AK8: variants seen among roughly 807,000 people sequenced by gnomAD.
AK8 encodes ATP-AMP transphosphorylase 8.
A neutral mutation model predicts 54.6 loss-of-function variants in AK8; 44 were observed. That is an observed-to-expected ratio of 0.81 (90% CI 0.63 to 1.04). The LOEUF is 1.04. Among genes scored for constraint, AK8 ranks in the 50% least tolerant of loss-of-function variants. The pLI is 0.00. For missense variants in AK8, 555 were observed against 613.6 expected (o/e 0.90, Z 1.01); for synonymous variants, 239 against 245.6 (o/e 0.97, Z 0.25).
At chr9:132,831,643 C>T (rs1488637432) in intron 5 of AK8, among the ~76,000 whole-genome samples, 1 of 152,174 alleles carries the variant, frequency 6.6e-6, no homozygotes. Context: ...CTCAGTTGCT[C>T]TAAGGTCAGA....
Position 132,827,060 on chromosome 9 carries a change from A to C in AK8, c.557-6T>G, listed in dbSNP as rs771563919. On this transcript the variant is annotated splice_polypyrimidine_tract_variant and splice_region_variant and intron_variant, in intron 7 of 12. Transcript: ENST00000298545. ...AAAGGTGGTGTGATAAATCTCTACA[A>C]GGAGAGAGGTGCACAGTTAGAAATG... The C allele has an allele frequency of 3.7e-6, 6 of 1,613,702 alleles. No homozygotes were observed. The South Asian group carries it at 6.6e-5, about 18-fold the overall frequency.
chr9:132,812,531 G>GGGATGACAGGGGTGAGCTACCGTA (rs1564415097), intron 10 of AK8, among the ~76,000 whole-genome samples: 4 of 58,792 alleles, frequency 6.8e-5, no homozygotes, highest in African/African-American at 2.3e-4. Flanking sequence ...GAGCTACCGT[G>GGGATGACAGGGGTGAGCTACCGTA]CCCACTGGGA....
At chr9:132,878,663 A>C, upstream of AK8, 2 of 998,574 alleles carry the variant, frequency 2.0e-6, no homozygotes, top group Non-Finnish European at 2.4e-6. The surrounding 1 kb of genome is among the most constrained non-coding windows in gnomAD (Gnocchi z 4.7). Flanking sequence ...TTTAAAACAG[A>C]CGCGGGAATA....
At chr9:132,774,869 C>T (rs916114427) in intron 11 of AK8, among the ~76,000 whole-genome samples, 10 of 152,212 alleles carry the variant, frequency 6.6e-5, no homozygotes, top group Non-Finnish European at 1.2e-4. Flanking sequence ...TGGCTTAGGC[C>T]GAACTGTTAC....
chr9:132,761,967 T>G (rs1250331950), intron 11 of AK8, among the ~76,000 whole-genome samples: 2 of 152,128 alleles, frequency 1.3e-5, no homozygotes, highest in African/African-American at 2.4e-5. Flanking sequence ...CCTCCCCAGT[T>G]CAAGCAATTC....
intron 2 of AK8, among the ~76,000 whole-genome samples, chr9:132,873,931 G>A (rs1000911005): frequency 6.6e-6 from 1 of 152,184 alleles, no homozygotes; most frequent in Non-Finnish European, 1.5e-5. Flanking sequence ...CCAGAGAAAG[G>A]AGGTCTCTAA....
chr9:132,767,882 C>T (rs1295419760), intron 11 of AK8, among the ~76,000 whole-genome samples: 1 of 152,102 alleles, frequency 6.6e-6, no homozygotes, highest in Admixed American at 6.5e-5. Flanking sequence ...CATGTTCTCA[C>T]TCATATGTGG....
chr9:132,874,979 G>T (rs1304263925), intron 2 of AK8, 136 bp downstream of exon 2: 5 of 1,123,130 alleles, frequency 4.5e-6, no homozygotes, highest in Non-Finnish European at 6.5e-6. Context: ...GGACAGAATG[G>T]TGCTCAGCTA....
Position 132,863,661 on chromosome 9 carries a change from C to T in AK8, c.333+4G>A. ...CCTACCCCTGTCCCCGGGGCCAGTC[C>T]TACCTTCCTTTGCAGATAAAGCCTT... On this transcript the variant is annotated splice_donor_region_variant and intron_variant, in intron 4 of 12. Coordinates refer to ENST00000298545, the MANE Select transcript of AK8 (RefSeq NM_152572.3). 6.2e-7 allele frequency: 1 copy of T among 1,608,828 alleles called. No individual in the cohort carries two copies. The highest frequency in any genetic ancestry group is 8.5e-7 in the Non-Finnish European group (1 of 1,175,916).
intron 11 of AK8, among the ~76,000 whole-genome samples, chr9:132,729,751 C>T (rs1015806744): frequency 6.6e-6 from 1 of 152,060 alleles, no homozygotes. Flanking sequence ...CCACTGGGGC[C>T]AAAGTTGGTG....
At chr9:132,823,688 C>T (rs1003762422) in intron 8 of AK8, among the ~76,000 whole-genome samples, 3 of 152,220 alleles carry the variant, frequency 2.0e-5, no homozygotes, top group Admixed American at 2.0e-4. Flanking sequence ...TGATAGCACT[C>T]TCTATAGGGC....
chr9:132,787,464 C>A (rs191360347), intron 11 of AK8, among the ~76,000 whole-genome samples: 1 of 152,140 alleles, frequency 6.6e-6, no homozygotes, highest in East Asian at 1.9e-4. Context: ...CAAAATTCCA[C>A]GGGAAAATCA....
chr9:132,743,794 G>A (rs748467244), intron 11 of AK8, among the ~76,000 whole-genome samples: 7 of 152,272 alleles, frequency 4.6e-5, no homozygotes, highest in African/African-American at 1.2e-4. Flanking sequence ...ACACGACCCC[G>A]GTACTGTGAT....
chr9:132,726,208 C>G (rs1160975146), intron 12 of AK8, among the ~76,000 whole-genome samples: 1 of 151,630 alleles, frequency 6.6e-6, no homozygotes, highest in Non-Finnish European at 1.5e-5. Context: ...TCCTCCCTCC[C>G]TCCTTCCCTC....
chr9:132,729,629 C>A (rs973672504), intron 11 of AK8, among the ~76,000 whole-genome samples: 5 of 152,208 alleles, frequency 3.3e-5, no homozygotes, highest in Non-Finnish European at 5.9e-5. Context: ...GTGTCTCGGA[C>A]ACAGCAGGAA....
intron 11 of AK8, among the ~76,000 whole-genome samples, chr9:132,740,492 G>A (rs1317805303): frequency 6.6e-6 from 1 of 152,188 alleles, no homozygotes; most frequent in Non-Finnish European, 1.5e-5. Context: ...GGCCGTGTGT[G>A]GTGGGCTGAG....
chr9:132,878,369 T>G, upstream of AK8: 1 of 1,247,020 alleles, frequency 8.0e-7, no homozygotes, highest in Non-Finnish European at 1.0e-6. This position sits in a 1 kb window ranked among gnomAD's most constrained non-coding sequence, Gnocchi z 4.7. Flanking sequence ...CGGGCCCAGA[T>G]ACCCGATCCT....
intron 5 of AK8, among the ~76,000 whole-genome samples, chr9:132,839,123 T>C (rs1015891492): frequency 7.9e-5 from 12 of 152,080 alleles, no homozygotes; most frequent in African/African-American, 1.9e-4. Context: ...TTTGTATTTT[T>C]ACTAGAGATG....
chr9:132,810,859 T>C (rs1260402776), intron 10 of AK8, among the ~76,000 whole-genome samples: 1 of 151,822 alleles, frequency 6.6e-6, no homozygotes, highest in African/African-American at 2.4e-5. Flanking sequence ...GAAACAGAGA[T>C]AAAATATAGA....
Sources: allele counts gnomAD v4.1 joint callset (sites outside exome capture counted in the v4.1 genomes callset), GRCh38; gene constraint gnomAD v4.1.1; non-coding constraint Gnocchi (gnomAD v3.1); transcripts MANE v1.5; gene names NCBI Gene and HGNC (gene_info 2026-07-23, HGNC 2026-07-21).